The following ZSCAN5A variants were observed in gnomAD, a reference collection of about 807,000 sequenced individuals.
The protein encoded by ZSCAN5A is zinc finger and SCAN domain-containing protein 5A.
In ZSCAN5A, 12 loss-of-function variants were observed where a neutral mutation model predicts 23.7. That is an observed-to-expected ratio of 0.51 (90% confidence interval 0.32 to 0.82). ZSCAN5A has a LOEUF of 0.82. Ranked by LOEUF, ZSCAN5A falls within the 40% of genes least tolerant of loss-of-function variation. ZSCAN5A has a pLI of 0.03. For missense variants in ZSCAN5A, 597 were observed against 617.9 expected (o/e 0.97, Z 0.36); for synonymous variants, 257 against 239.9 (o/e 1.07, Z -0.66).
At chr19:56,254,466 C>T (rs1368323509) in intron 2 of ZSCAN5A, among the ~76,000 whole-genome samples, 1 of 152,082 alleles carries the variant, frequency 6.6e-6, no homozygotes, top group Admixed American at 6.6e-5. Context: ...AATAATATTC[C>T]ATTGTACAGA....
At chr19:56,340,260 C>T (rs191990656) in intron 2 of ZSCAN5A, among the ~76,000 whole-genome samples, 20 of 152,184 alleles carry the variant, frequency 1.3e-4, no homozygotes, top group Admixed American at 2.0e-4. Flanking sequence ...CATTTGAAAG[C>T]CCCCCTATCA....
intron 2 of ZSCAN5A, among the ~76,000 whole-genome samples, chr19:56,361,709 G>A (rs2041734390): frequency 6.6e-6 from 1 of 151,942 alleles, no homozygotes; most frequent in Admixed American, 6.6e-5. Flanking sequence ...TGTCAGAGGA[G>A]GGCATGGTTG....
At chr19:56,250,863 T>C (rs918083447) in intron 2 of ZSCAN5A, among the ~76,000 whole-genome samples, 3 of 152,204 alleles carry the variant, frequency 2.0e-5, no homozygotes, top group Non-Finnish European at 4.4e-5. Flanking sequence ...ATGTGCTTTA[T>C]GTGGCCTAAG....
chr19:56,232,506 A>G (rs2034555123), intron 2 of ZSCAN5A, among the ~76,000 whole-genome samples: 3 of 152,098 alleles, frequency 2.0e-5, no homozygotes, highest in African/African-American at 4.8e-5. Flanking sequence ...CCATGAAAAA[A>G]AAAGAGGATT....
chr19:56,308,284 G>A lies in ZSCAN5A; in HGVS notation c.-128+4999C>T, dbSNP rs112131488. Among the ~76,000 whole-genome samples, 40 of 151,506 alleles carry A rather than the reference G, an allele frequency of 2.6e-4. No individual in the cohort carries two copies. The Middle Eastern group carries it at 0.01, about 39-fold the overall frequency. Reference sequence around the variant, plus strand: ...CTTGACCTTGTGATCCGCCCGCCTCGGCCTCCCAAAGTGCTGGGATTACAG... The same window carrying A: ...CTTGACCTTGTGATCCGCCCGCCTCAGCCTCCCAAAGTGCTGGGATTACAG... On this transcript the variant is annotated intron_variant, in intron 2 of 5. Coordinates refer to ENST00000683990, the MANE Select transcript of ZSCAN5A (RefSeq NM_001322064.3).
chr19:56,316,854 T>G (rs1184169130), upstream of ZSCAN5A: 1 of 152,316 alleles, frequency 6.6e-6, no homozygotes, highest in Non-Finnish European at 1.5e-5. Flanking sequence ...ATTTATTTAT[T>G]TAGACAGAGT....
chr19:56,286,473 C>G (rs1053905074), intron 2 of ZSCAN5A: 1 of 152,054 alleles, frequency 6.6e-6, no homozygotes, highest in Non-Finnish European at 1.5e-5. Flanking sequence ...ACAGCTTTCT[C>G]CTTAAGTCAA....
At chr19:56,257,303 A>C (rs2036773335) in intron 2 of ZSCAN5A, among the ~76,000 whole-genome samples, 1 of 152,190 alleles carries the variant, frequency 6.6e-6, no homozygotes, top group South Asian at 2.1e-4. Context: ...CAGGTGACTG[A>C]TCAGGGCTGG....
Position 56,230,676 on chromosome 19 carries a change from C to A in ZSCAN5A, c.-127-5503G>T, listed in dbSNP as rs916170904. On this transcript the variant is annotated intron_variant, in intron 2 of 5. Coordinates refer to ENST00000683990, the MANE Select transcript of ZSCAN5A (RefSeq NM_001322064.3). ...GTGTGTTGGAAACATTTAAGATACA[C>A]CCTCTGAGCAAATTTCAAGTATACA... Among the ~76,000 whole-genome samples the A allele has an allele frequency of 2.7e-5, 4 of 150,738 alleles. No individual in the cohort carries two copies. In the South Asian group the frequency reaches 6.3e-4, roughly 24 times the overall value.
chr19:56,241,821 CTTTT>C (rs564526639), intron 2 of ZSCAN5A, among the ~76,000 whole-genome samples: 302 of 152,236 alleles, frequency 2.0e-3, no homozygotes, highest in African/African-American at 7.1e-3. Context: ...TCATCTACTT[CTTTT>C]TTAATTTTTT....
intron 2 of ZSCAN5A, among the ~76,000 whole-genome samples, chr19:56,291,112 T>C (rs1485237848): frequency 6.6e-6 from 1 of 152,144 alleles, no homozygotes; most frequent in Non-Finnish European, 1.5e-5. Flanking sequence ...GCCCTTGGCA[T>C]ATCACGTCCC....
chr19:56,228,965 C>T (rs149391372), intron 2 of ZSCAN5A, among the ~76,000 whole-genome samples: 153 of 152,252 alleles, frequency 1.0e-3, no homozygotes, highest in African/African-American at 3.2e-3. Flanking sequence ...CATTCCAGGA[C>T]GGTGATAGGG....
At chr19:56,297,438 CCTT>C (rs1442142486) in intron 2 of ZSCAN5A, 1 of 613,940 alleles carries the variant, frequency 1.6e-6, no homozygotes, top group Non-Finnish European at 2.0e-6. Context: ...TCTCTCCCTC[CCTT>C]TCTTCCTTTC....
intron 2 of ZSCAN5A, among the ~76,000 whole-genome samples, chr19:56,286,063 C>G (rs565403399): frequency 3.3e-4 from 50 of 152,098 alleles, no homozygotes; most frequent in Non-Finnish European, 5.9e-4. Flanking sequence ...GCTCTGTTGC[C>G]CAGGCTGGAG....
At chr19:56,299,278 C>G (rs1292833234) in intron 2 of ZSCAN5A, among the ~76,000 whole-genome samples, 1 of 151,738 alleles carries the variant, frequency 6.6e-6, no homozygotes, top group Non-Finnish European at 1.5e-5. Context: ...ACCACAGGCA[C>G]GAGACACCAC....
intron 2 of ZSCAN5A, among the ~76,000 whole-genome samples, chr19:56,332,775 A>G (rs2041501143): frequency 6.6e-6 from 1 of 152,160 alleles, no homozygotes; most frequent in South Asian, 2.1e-4. Context: ...ACTTAAGTGT[A>G]TTTTTATGGT....
intron 2 of ZSCAN5A, among the ~76,000 whole-genome samples, chr19:56,267,141 C>G (rs749876669): frequency 6.6e-6 from 1 of 152,154 alleles, no homozygotes; most frequent in Non-Finnish European, 1.5e-5. Flanking sequence ...ACTCTAGCTA[C>G]GGCAGCATCT....
chr19:56,232,750 C>T (rs1413975990), intron 2 of ZSCAN5A, among the ~76,000 whole-genome samples: 2 of 152,104 alleles, frequency 1.3e-5, no homozygotes, highest in East Asian at 1.9e-4. Context: ...ACAATCATAG[C>T]TCACTGCAGC....
At chr19:56,246,816 C>G in intron 2 of ZSCAN5A, 1 of 1,610,968 alleles carries the variant, frequency 6.2e-7, no homozygotes, top group Non-Finnish European at 8.5e-7. Context: ...CTTCTGCCTG[C>G]GTTGTGGAGA....
Sources: gnomAD v4.1 joint callset for allele counts (sites outside exome capture counted in the v4.1 genomes callset) on GRCh38, gnomAD v4.1.1 for gene constraint, MANE v1.5 for transcripts, NCBI Gene and HGNC (gene_info 2026-07-23, HGNC 2026-07-21) for gene names.